The following LURAP1L variants were observed in gnomAD, a reference collection of about 807,000 sequenced individuals.
The protein encoded by LURAP1L is leucine rich adaptor protein 1-like.
A neutral mutation model predicts 13.8 loss-of-function variants in LURAP1L; 12 were observed. The ratio of observed to expected loss-of-function variants is 0.87; its 90% CI spans 0.56 to 1.41. The LOEUF is 1.41. LURAP1L is among the 40% of genes most tolerant of loss of function. The pLI, the probability that LURAP1L is intolerant of heterozygous loss-of-function variation, is 0.00. For missense variants in LURAP1L, 375 were observed against 292.9 expected, an observed-to-expected ratio of 1.28 and a Z score of -2.04; for synonymous variants, 139 against 119.2, an observed-to-expected ratio of 1.17 and a Z score of -1.08.
chr9:12,777,781 G>C (rs895916162), intron 1 of LURAP1L, among the ~76,000 whole-genome samples: 3 of 152,168 alleles, frequency 2.0e-5, no homozygotes, highest in Admixed American at 2.0e-4. Flanking sequence ...TTCCACTTAG[G>C]ATGCACAACC....
Position 12,821,778 on chromosome 9 carries a change from G to T in LURAP1L, c.*18G>T. On this transcript the variant is annotated 3_prime_UTR_variant, in exon 2 of 2. Coordinates refer to ENST00000319264, the MANE Select transcript of LURAP1L (RefSeq NM_203403.2). ...TTGGCTAGTGACAGTTTTTTGCATGGGACTGGTGTGCAATGAACTTGTATT... is the reference window on the plus strand; with the variant it reads ...TTGGCTAGTGACAGTTTTTTGCATGTGACTGGTGTGCAATGAACTTGTATT... 6.3e-7 allele frequency: 1 copy of T among 1,598,694 alleles called. No homozygotes were observed. Among genetic ancestry groups the T allele is most frequent in the Non-Finnish European group, 8.6e-7 (1 of 1,169,180 alleles).
At chr9:12,815,746 A>G (rs10960808) in intron 1 of LURAP1L, among the ~76,000 whole-genome samples, 24,316 of 152,054 alleles carry the variant, frequency 0.16, 2,302 homozygotes, top group East Asian at 0.32. Context: ...AGGCTCCAGA[A>G]AGGCAAAAAA....
rs1278933769 is a variant in LURAP1L, at chr9:12,775,599, C to T, written c.-117C>T. 2.1e-6 allele frequency: 3 copies of T among 1,436,086 alleles called. No individual in the cohort carries two copies. The highest frequency in any genetic ancestry group is 5.8e-5 in the Admixed American group (2 of 34,256). The allele number at this position is 1,436,086 out of a possible 1,614,324, so 89.0% of individuals were successfully genotyped here. A position where few individuals can be genotyped will look rare whatever the true frequency, so the allele number is the denominator to read the frequency against. On this transcript the variant is annotated 5_prime_UTR_variant, in exon 1 of 2. Transcript: ENST00000319264. ...TGGAAAGGACGGTACACCGGAGCGG[C>T]GGAGGATAGAGACCCTGGCCCCCGG...
chr9:12,787,923 C>T (rs1374286947), intron 1 of LURAP1L, among the ~76,000 whole-genome samples: 2 of 151,968 alleles, frequency 1.3e-5, no homozygotes, highest in Non-Finnish European at 2.9e-5. Context: ...ACCAACCTGG[C>T]CAACATGGTG....
At chr9:12,804,245 T>C (rs569219911) in intron 1 of LURAP1L, among the ~76,000 whole-genome samples, 1 of 152,164 alleles carries the variant, frequency 6.6e-6, no homozygotes, top group Non-Finnish European at 1.5e-5. Flanking sequence ...AGTTTTAAGC[T>C]CTTTTGTATC....
intron 1 of LURAP1L, among the ~76,000 whole-genome samples, chr9:12,812,012 T>C (rs1819743295): frequency 1.3e-5 from 2 of 152,172 alleles, no homozygotes; most frequent in Admixed American, 1.3e-4. Context: ...TTCCTTACTT[T>C]ATGCATCTCA....
intron 1 of LURAP1L, among the ~76,000 whole-genome samples, chr9:12,801,506 T>C (rs1482625690): frequency 6.6e-6 from 1 of 152,138 alleles, no homozygotes. Flanking sequence ...TCTCAAACCA[T>C]CTATTACTTT....
At chr9:12,820,064 A>C (rs1051009377) in intron 1 of LURAP1L, among the ~76,000 whole-genome samples, 1 of 151,820 alleles carries the variant, frequency 6.6e-6, no homozygotes, top group Non-Finnish European at 1.5e-5. Context: ...CCAACAGAAC[A>C]ATCATGGGAG....
intron 1 of LURAP1L, among the ~76,000 whole-genome samples, chr9:12,789,531 C>G (rs1273800901): frequency 2.0e-5 from 3 of 152,124 alleles, no homozygotes; most frequent in Non-Finnish European, 4.4e-5. Context: ...GATTAGTGCC[C>G]AAGTAAGATT....
chr9:12,779,976 T>G (rs1819246978), intron 1 of LURAP1L, among the ~76,000 whole-genome samples: 1 of 152,184 alleles, frequency 6.6e-6, no homozygotes, highest in South Asian at 2.1e-4. Flanking sequence ...TCTCCAGTAG[T>G]ACTTCCTCTC....
At chr9:12,789,126 G>A (rs1222438618) in intron 1 of LURAP1L, among the ~76,000 whole-genome samples, 3 of 150,242 alleles carry the variant, frequency 2.0e-5, no homozygotes, top group Non-Finnish European at 3.0e-5. Context: ...AATATTGATA[G>A]ATAAATAGAT....
At chr9:12,801,293 A>G (rs908757898) in intron 1 of LURAP1L, among the ~76,000 whole-genome samples, 7 of 151,146 alleles carry the variant, frequency 4.6e-5, no homozygotes, top group African/African-American at 1.7e-4. Context: ...GCATTAGGAT[A>G]TTATGTTAAA....
chr9:12,806,396 T>C (rs1819656788), intron 1 of LURAP1L, among the ~76,000 whole-genome samples: 1 of 152,150 alleles, frequency 6.6e-6, no homozygotes, highest in Non-Finnish European at 1.5e-5. Context: ...TTTTTTTTCT[T>C]TTCTGGGTAG....
At chr9:12,788,647 T>C (rs1439591157) in intron 1 of LURAP1L, among the ~76,000 whole-genome samples, 1 of 152,024 alleles carries the variant, frequency 6.6e-6, no homozygotes, top group African/African-American at 2.4e-5. Context: ...AATTTATTTA[T>C]GGAACAGAGA....
chr9:12,803,156 G>A (rs1293112498), intron 1 of LURAP1L, among the ~76,000 whole-genome samples: 1 of 152,168 alleles, frequency 6.6e-6, no homozygotes, highest in East Asian at 1.9e-4. Context: ...CACTGCACTG[G>A]AAGTGTTCAT....
At chr9:12,811,192 G>T (rs1819731322) in intron 1 of LURAP1L, among the ~76,000 whole-genome samples, 2 of 152,126 alleles carry the variant, frequency 1.3e-5, no homozygotes, top group Admixed American at 1.3e-4. Flanking sequence ...TGAAAAGCAA[G>T]ATTGCAACTT....
At chr9:12,818,512 C>G (rs916475128) in intron 1 of LURAP1L, among the ~76,000 whole-genome samples, 18 of 152,120 alleles carry the variant, frequency 1.2e-4, no homozygotes, top group African/African-American at 3.9e-4. Context: ...TTAAGGAGCT[C>G]ACAGCCTAGT....
intron 1 of LURAP1L, among the ~76,000 whole-genome samples, chr9:12,811,541 G>C (rs1026237793): frequency 7.2e-5 from 11 of 152,006 alleles, no homozygotes; most frequent in Admixed American, 5.2e-4. Flanking sequence ...AACATTTTTT[G>C]TTTTTGTTAA....
rs771552840 is a variant in LURAP1L, at chr9:12,821,606, C to T, written c.533C>T (p.Ser178Phe). 6.2e-7 allele frequency: 1 copy of T among 1,614,142 alleles called. No individual in the cohort carries two copies. The highest frequency in any genetic ancestry group is 1.1e-5 in the South Asian group (1 of 91,066). The change falls in exon 2 of 2, where the codon TCC (serine) becomes TTC (phenylalanine). Residue 178 changes from serine (S) to phenylalanine (F), a missense_variant. Ser to Phe is a radical substitution (Grantham distance 155). Coordinates refer to ENST00000319264, the MANE Select transcript of LURAP1L (RefSeq NM_203403.2). ...HDGSDGLDGI[S>F]VGSYLDTLAD... ...GGCAGTGATGGGCTGGATGGCATTT[C>T]CGTGGGAAGTTATCTGGACACGTTG...
Sources: gnomAD v4.1 joint callset for allele counts (sites outside exome capture counted in the v4.1 genomes callset) on GRCh38, gnomAD v4.1.1 for gene constraint, MANE v1.5 for transcripts, NCBI Gene and HGNC (gene_info 2026-07-23, HGNC 2026-07-21) for gene names.